PCLO: variants seen among roughly 807,000 people sequenced by gnomAD.
PCLO encodes the protein protein piccolo.
A neutral mutation model predicts 427.5 loss-of-function variants in PCLO; 82 were observed. The ratio of observed to expected loss-of-function variants is 0.19; its 90% CI spans 0.16 to 0.23. PCLO has a LOEUF of 0.23. Among genes scored for constraint, PCLO ranks in the 10% least tolerant of loss-of-function variants. The probability of loss-of-function intolerance (pLI) is 1.00; values close to 1 mark genes in which losing one functional copy is unlikely to be tolerated. For synonymous variants in PCLO, 2,357 were observed against 2,155.4 expected (o/e 1.09, Z -2.59); for missense variants, 6,239 against 6,115.9 (o/e 1.02, Z -0.67).
chr7:82,846,252 C>G (rs1792498852), intron 12 of PCLO, among the ~76,000 whole-genome samples: 1 of 152,024 alleles, frequency 6.6e-6, no homozygotes, highest in Non-Finnish European at 1.5e-5. Context: ...GAAATGGCTC[C>G]AAGCATTACT....
At chr7:82,843,145 C>T (rs530392940) in intron 13 of PCLO, among the ~76,000 whole-genome samples, 5 of 152,138 alleles carry the variant, frequency 3.3e-5, no homozygotes, top group African/African-American at 1.2e-4. Flanking sequence ...AGATATAGTA[C>T]CAACCTAAGT....
intron 22 of PCLO, among the ~76,000 whole-genome samples, chr7:82,779,702 T>G (rs981296555): frequency 2.0e-5 from 3 of 151,432 alleles, no homozygotes; most frequent in African/African-American, 4.8e-5. Flanking sequence ...GGAACTGGGT[T>G]TTTTCTTTAT....
At position 82,763,605 on chromosome 7, in the gene PCLO, G is replaced by A. The variant is rs1490442448; in HGVS notation, c.15008-2112C>T. 2.6e-5 allele frequency among the ~76,000 whole-genome samples: 4 copies of A among 152,114 alleles called. No homozygotes were observed. In the East Asian group the frequency reaches 7.7e-4, roughly 29 times the overall value. On this transcript the variant is annotated intron_variant, in intron 22 of 24. Coordinates refer to ENST00000333891, the MANE Select transcript of PCLO (RefSeq NM_033026.6). ...TTTCTGGATTAAGCAACTGTTTGAT[G>A]AAATTAGCTTAAAATTTGTAAGTCC...
intron 22 of PCLO, among the ~76,000 whole-genome samples, chr7:82,797,840 C>A (rs1308985635): frequency 1.3e-5 from 2 of 152,070 alleles, no homozygotes; most frequent in African/African-American, 4.8e-5. Context: ...AATTCATAAA[C>A]AACTTCTGTG....
At chr7:83,018,206 T>G (rs1221091138) in intron 3 of PCLO, among the ~76,000 whole-genome samples, 1 of 151,966 alleles carries the variant, frequency 6.6e-6, no homozygotes, top group Admixed American at 6.6e-5. Flanking sequence ...GGTATCAAAA[T>G]GTTTACAAAG....
intron 3 of PCLO, among the ~76,000 whole-genome samples, chr7:83,056,056 T>A (rs1789371353): frequency 6.6e-6 from 1 of 152,290 alleles, no homozygotes; most frequent in South Asian, 2.1e-4. Flanking sequence ...GGATACATGA[T>A]CTCAGCAATT....
intron 23 of PCLO, 26 bp from the exon 24 acceptor site, chr7:82,760,810 A>C: frequency 4.1e-6 from 5 of 1,207,890 alleles, no homozygotes; most frequent in Non-Finnish European, 5.8e-6. Context: ...CAGCCCATTA[A>C]ATTCCATCAA....
chr7:83,060,008 T>C (rs1044301196), intron 3 of PCLO, among the ~76,000 whole-genome samples: 19 of 152,146 alleles, frequency 1.2e-4, no homozygotes, highest in Admixed American at 9.8e-4. Context: ...AGTTGCAACA[T>C]TCATTTTCTG....
At chr7:82,932,494 G>A (rs1012246525) in intron 6 of PCLO, among the ~76,000 whole-genome samples, 4 of 152,128 alleles carry the variant, frequency 2.6e-5, no homozygotes, top group African/African-American at 9.7e-5. Context: ...TTCTGAGATA[G>A]AATGTTTACA....
chr7:82,771,623 G>A (rs1186289798), intron 22 of PCLO, among the ~76,000 whole-genome samples: 2 of 151,912 alleles, frequency 1.3e-5, no homozygotes, highest in African/African-American at 4.8e-5. Context: ...TTAAAAAAAG[G>A]AGACTAACTA....
rs1790410073 is a variant in PCLO, at chr7:82,760,633, A to C, written c.15288+6T>G. The C allele has an allele frequency of 6.4e-7, 1 of 1,573,706 alleles. No individual in the cohort carries two copies. Among genetic ancestry groups the C allele is most frequent in the Non-Finnish European group, 8.6e-7 (1 of 1,161,662 alleles). On this transcript the variant is annotated splice_donor_region_variant and intron_variant, in intron 24 of 24. Coordinates refer to ENST00000333891, the MANE Select transcript of PCLO (RefSeq NM_033026.6). ...TTCAAATATGAACTACATAATACAG[A>C]GCTACCTGAAGAGAATGTCCTGCAG... is the stretch of plus-strand genomic sequence containing the variant.
rs766708584 is a variant in PCLO, at chr7:82,760,698, C to G, written c.15229G>C (p.Glu5077Gln). The change falls in exon 24 of 25, where the codon GAG (glutamate) becomes CAG (glutamine). Residue 5077 changes from glutamate (E) to glutamine (Q), a missense_variant. Physicochemically the swap from Glu to Gln is conservative, Grantham distance 29. Around this residue, in one of 5 missense-constraint regions of PCLO, gnomAD observed 877 missense variants for 925.5 expected, o/e 0.95. Transcript: ENST00000333891. The stretch of plus-strand genomic sequence containing the variant: ...CGAAAAGTTTCATTAAACGAAGGCT[C>G]TCGATCATGTCTGCATACTCTTGTT... ...KKTRVCRHDREPSFNETFRFS... is the reference protein window; with the variant it reads ...KKTRVCRHDRQPSFNETFRFS... The G allele has an allele frequency of 6.2e-7, 1 of 1,602,028 alleles. No individual in the cohort carries two copies. Among genetic ancestry groups the G allele is most frequent in the Non-Finnish European group, 8.5e-7 (1 of 1,172,102 alleles).
intron 3 of PCLO, among the ~76,000 whole-genome samples, chr7:83,061,074 A>G (rs1789531862): frequency 6.6e-6 from 1 of 152,328 alleles, no homozygotes; most frequent in Admixed American, 6.5e-5. Flanking sequence ...ATTATCATTT[A>G]GTGGCTTGAA....
In PCLO at chr7:83,003,935, A is replaced by C. The variant is rs115122083; in HGVS notation, c.3301-37448T>G. On this transcript the variant is annotated intron_variant, in intron 3 of 24. Transcript: ENST00000333891. The stretch of plus-strand genomic sequence containing the variant: ...AAGGATTTGTATTAACTAAAAAAAA[A>C]AAAGTTTGGTAGACTTCACCCATGA... Among the ~76,000 whole-genome samples the C allele has an allele frequency of 4.2e-3, 638 of 151,830 alleles. 3 individuals carry two copies. The highest frequency in any genetic ancestry group is 0.014 in the African/African-American group (589 of 41,486).
intron 3 of PCLO, among the ~76,000 whole-genome samples, chr7:83,065,824 G>A (rs371944479): frequency 4.6e-5 from 7 of 152,162 alleles, no homozygotes; most frequent in Admixed American, 2.0e-4. Context: ...TAAGTGAATC[G>A]TGTCAAAAAC....
chr7:83,079,789 T>C (rs1363441610), intron 3 of PCLO, among the ~76,000 whole-genome samples: 1 of 152,072 alleles, frequency 6.6e-6, no homozygotes, highest in Admixed American at 6.5e-5. Flanking sequence ...ACATGTGCCA[T>C]TGTGGTTTGC....
intron 9 of PCLO, among the ~76,000 whole-genome samples, chr7:82,900,727 G>A (rs1249203255): frequency 6.6e-6 from 1 of 151,536 alleles, no homozygotes; most frequent in African/African-American, 2.4e-5. Context: ...GTGGGTTTGT[G>A]GAAAAGCTCA....
At chr7:82,989,477 A>AAT (rs1168959793) in intron 3 of PCLO, among the ~76,000 whole-genome samples, 2 of 152,114 alleles carry the variant, frequency 1.3e-5, no homozygotes, top group African/African-American at 2.4e-5. Flanking sequence ...AATTGATTCA[A>AAT]ATTAATATAT....
chr7:82,906,321 T>A (rs1794192021), intron 8 of PCLO, among the ~76,000 whole-genome samples: 1 of 152,036 alleles, frequency 6.6e-6, no homozygotes, highest in Non-Finnish European at 1.5e-5. Context: ...GTTATGCATA[T>A]GTTTTCAAAT....
Sources: allele counts gnomAD v4.1 joint callset (sites outside exome capture counted in the v4.1 genomes callset), GRCh38; gene constraint gnomAD v4.1.1; regional missense constraint gnomAD v4.1.1; transcripts MANE v1.5; gene names NCBI Gene and HGNC (gene_info 2026-07-23, HGNC 2026-07-21).